Variants in GPATCH2L observed in about 807,000 individuals in gnomAD.
GPATCH2L encodes the protein G patch domain-containing protein 2-like.
GPATCH2L carries 31 observed loss-of-function variants against 57.4 expected under a neutral mutation model. The ratio of observed to expected loss-of-function variants is 0.54; its 90% CI spans 0.41 to 0.73. GPATCH2L has a LOEUF of 0.73. Among genes scored for constraint, GPATCH2L ranks in the 30% least tolerant of loss-of-function variants. GPATCH2L has a pLI of 0.00. For missense variants in GPATCH2L, 481 were observed against 599.9 expected (o/e 0.80, Z 2.07); for synonymous variants, 199 against 210.7 (o/e 0.94, Z 0.48).
intron 9 of GPATCH2L, among the ~76,000 whole-genome samples, chr14:76,200,744 G>A (rs1034793765): frequency 1.3e-5 from 2 of 152,104 alleles, no homozygotes; most frequent in African/African-American, 4.8e-5. Context: ...AAAAGTAATG[G>A]CCATGACCCA....
rs1259812321 is a variant in GPATCH2L, at chr14:76,206,774, A to T, written c.*4923A>T. The T allele has an allele frequency of 6.6e-6, 1 of 152,294 alleles. No homozygotes were observed. Among genetic ancestry groups the T allele is most frequent in the African/African-American group, 2.4e-5 (1 of 41,472 alleles). The allele number at this position is 152,294 out of a possible 1,614,324, so 9.4% of individuals were successfully genotyped here. ...GGTCTTTGGTGCATGCTCAAGTTTG[A>T]GAACCATAGGCTTTGCCACGGTTAA... On this transcript the variant is annotated 3_prime_UTR_variant, in exon 10 of 10. Coordinates refer to ENST00000261530, the MANE Select transcript of GPATCH2L (RefSeq NM_017926.4).
Position 76,169,240 on chromosome 14 carries a change from T to C in GPATCH2L, c.727+2513T>C, listed in dbSNP as rs1194935990. On this transcript the variant is annotated intron_variant, in intron 3 of 9. Coordinates refer to ENST00000261530, the MANE Select transcript of GPATCH2L (RefSeq NM_017926.4). ...GTATTATACTTACTGTTTCTTTTAC[T>C]ACTCACTAGATTATGTTATTGTTTG... 2.0e-5 allele frequency among the ~76,000 whole-genome samples: 3 copies of C among 152,360 alleles called. No individual in the cohort carries two copies. In the East Asian group the frequency reaches 5.8e-4, roughly 29 times the overall value.
At chr14:76,233,463 A>G (rs1412091813) in intron 2 of GPATCH2L, among the ~76,000 whole-genome samples, 1 of 152,188 alleles carries the variant, frequency 6.6e-6, no homozygotes, top group Non-Finnish European at 1.5e-5. Context: ...CTTGTGGAGA[A>G]TCTTGAACAC....
chr14:76,224,019 A>C (rs947487653), intron 1 of GPATCH2L, among the ~76,000 whole-genome samples: 14 of 152,246 alleles, frequency 9.2e-5, no homozygotes, highest in African/African-American at 3.1e-4. Flanking sequence ...TGGTAAACAA[A>C]ATGTGGTATA....
intron 2 of GPATCH2L, 72 bp downstream of exon 2, chr14:76,155,097 TG>T: frequency 7.9e-7 from 1 of 1,265,548 alleles, no homozygotes; most frequent in South Asian, 1.4e-5. Flanking sequence ...ATGGTCTTAG[TG>T]GGTTCTACCT....
At chr14:76,177,367 A>G (rs1247653727) in intron 6 of GPATCH2L, among the ~76,000 whole-genome samples, 4 of 151,856 alleles carry the variant, frequency 2.6e-5, no homozygotes, top group Non-Finnish European at 5.9e-5. Flanking sequence ...TTTTTGTTCT[A>G]ATTACTGTGG....
intron 1 of GPATCH2L, among the ~76,000 whole-genome samples, chr14:76,153,167 G>A (rs993693948): frequency 6.6e-6 from 1 of 152,236 alleles, no homozygotes; most frequent in African/African-American, 2.4e-5. Context: ...GGCACAGCAT[G>A]AAAATAGGTT....
At chr14:76,158,292 C>T (rs1566769440) in intron 2 of GPATCH2L, among the ~76,000 whole-genome samples, 2 of 152,190 alleles carry the variant, frequency 1.3e-5, no homozygotes. Context: ...CACTCCTTCT[C>T]CAGCCCAGGC....
intron 2 of GPATCH2L, among the ~76,000 whole-genome samples, chr14:76,160,207 G>A (rs941075034): frequency 1.2e-4 from 18 of 152,170 alleles, no homozygotes; most frequent in African/African-American, 3.9e-4. Flanking sequence ...ACCACACCCT[G>A]CCTCAACCTG....
intron 1 of GPATCH2L, among the ~76,000 whole-genome samples, chr14:76,222,452 AAAT>A (rs950776871): frequency 2.0e-5 from 3 of 151,998 alleles, no homozygotes; most frequent in African/African-American, 7.3e-5. Flanking sequence ...CTAAAAATAC[AAAT>A]AATTAGCTGA....
chr14:76,181,211 A>C (rs1158738886), intron 8 of GPATCH2L, among the ~76,000 whole-genome samples: 1 of 152,132 alleles, frequency 6.6e-6, no homozygotes, highest in Non-Finnish European at 1.5e-5. Context: ...CTTTCGTATA[A>C]TTTTCTCCCT....
At chr14:76,180,924 A>C in intron 8 of GPATCH2L, 75 bp downstream of exon 8, 2 of 896,460 alleles carry the variant, frequency 2.2e-6, no homozygotes, top group East Asian at 2.4e-5. Context: ...CAAATTATAG[A>C]GTATGCTTGT....
chr14:76,165,074 A>G (rs1424862883), intron 2 of GPATCH2L, among the ~76,000 whole-genome samples: 2 of 152,100 alleles, frequency 1.3e-5, no homozygotes, highest in Non-Finnish European at 2.9e-5. Flanking sequence ...CTTTACACTA[A>G]CTCTGTTGTT....
intron 2 of GPATCH2L, among the ~76,000 whole-genome samples, chr14:76,162,556 C>G (rs571070420): frequency 4.6e-5 from 7 of 152,138 alleles, no homozygotes; most frequent in Non-Finnish European, 7.4e-5. Context: ...TCTTGGGAGT[C>G]TGGTTAATTA....
In GPATCH2L at chr14:76,205,635, T is replaced by C. The variant is rs928671154; in HGVS notation, c.*3784T>C. 1 of 152,226 alleles carries C rather than the reference T, an allele frequency of 6.6e-6. No homozygotes were observed. Among genetic ancestry groups the C allele is most frequent in the Non-Finnish European group, 1.5e-5 (1 of 68,056 alleles). 9.4% of individuals were successfully genotyped at this position (152,226 alleles called of 1,614,324 possible). On this transcript the variant is annotated 3_prime_UTR_variant, in exon 10 of 10. Coordinates refer to ENST00000261530, the MANE Select transcript of GPATCH2L (RefSeq NM_017926.4). ...CCTTGCATGTTGTAGTTAGAGACAC[T>C]GTAGCTGTATCTGTATACCTGTAAT...
intron 2 of GPATCH2L, among the ~76,000 whole-genome samples, chr14:76,232,806 T>C (rs891740211): frequency 3.9e-5 from 6 of 152,192 alleles, no homozygotes; most frequent in African/African-American, 1.2e-4. Context: ...ACATGGAATA[T>C]TGGCAACCAG....
intron 2 of GPATCH2L, among the ~76,000 whole-genome samples, chr14:76,159,799 C>T (rs900845985): frequency 5.3e-5 from 8 of 152,150 alleles, no homozygotes; most frequent in African/African-American, 1.9e-4. Context: ...GCTTCCCTAT[C>T]CAAGTGTATT....
At chr14:76,155,472 TTAGA>T (rs1368922366) in intron 2 of GPATCH2L, among the ~76,000 whole-genome samples, 1 of 152,196 alleles carries the variant, frequency 6.6e-6, no homozygotes, top group African/African-American at 2.4e-5. Flanking sequence ...AATCATGGCT[TTAGA>T]TGCTTTTTGG....
At chr14:76,233,745 A>G (rs774132547) in intron 2 of GPATCH2L, among the ~76,000 whole-genome samples, 2 of 152,262 alleles carry the variant, frequency 1.3e-5, no homozygotes, top group Non-Finnish European at 2.9e-5. Context: ...ATGTCATCAT[A>G]TACCCAGTTA....
Sources: gnomAD v4.1 joint callset for allele counts (sites outside exome capture counted in the v4.1 genomes callset) on GRCh38, gnomAD v4.1.1 for gene constraint, MANE v1.5 for transcripts, NCBI Gene and HGNC (gene_info 2026-07-23, HGNC 2026-07-21) for gene names.